PLEKHA7: variants seen among roughly 807,000 people sequenced by gnomAD.
The protein encoded by PLEKHA7 is pleckstrin homology domain-containing family A member 7.
A neutral mutation model predicts 170.0 loss-of-function variants in PLEKHA7; 104 were observed. The ratio of observed to expected loss-of-function variants is 0.61; its 90% CI spans 0.52 to 0.72. The LOEUF (loss-of-function observed/expected upper bound fraction) is 0.72, where lower values mean the gene tolerates loss of function less well. Among genes scored for constraint, PLEKHA7 ranks in the 30% least tolerant of loss-of-function variants. The pLI is 0.00. For missense variants in PLEKHA7, 1,615 were observed against 1,671.7 expected (o/e 0.97, Z 0.59); for synonymous variants, 648 against 660.8 (o/e 0.98, Z 0.30).
Position 17,000,650 on chromosome 11 carries a change from T to C in PLEKHA7, c.221+13339A>G, listed in dbSNP as rs199923540. 1.2e-4 allele frequency among the ~76,000 whole-genome samples: 18 copies of C among 152,316 alleles called. No individual in the cohort carries two copies. The East Asian group carries it at 2.7e-3, about 23-fold the overall frequency. On this transcript the variant is annotated intron_variant, in intron 3 of 26. Transcript: ENST00000531066. ...GAAGGGGCTTCCTTCATAGGAGTAG[T>C]AGTGATAATGGCTAATTCCTATATA...
intron 5 of PLEKHA7, among the ~76,000 whole-genome samples, chr11:16,855,202 C>T (rs941676766): frequency 6.6e-6 from 1 of 152,216 alleles, no homozygotes; most frequent in Non-Finnish European, 1.5e-5. Context: ...GCAAACCTCC[C>T]AGCTGGGTCA....
At chr11:16,862,713 C>A (rs146184237) in intron 4 of PLEKHA7, among the ~76,000 whole-genome samples, 63 of 152,282 alleles carry the variant, frequency 4.1e-4, no homozygotes, top group African/African-American at 1.4e-3. Flanking sequence ...ATACCAAAGG[C>A]CCAGCCAACA....
chr11:16,826,688 T>G, intron 9 of PLEKHA7, 98 bp from the exon 10 acceptor site: 1 of 1,086,326 alleles, frequency 9.2e-7, no homozygotes, highest in Non-Finnish European at 1.3e-6. Context: ...GCACAGGCTA[T>G]TCCCTCTGCT....
intron 17 of PLEKHA7, among the ~76,000 whole-genome samples, chr11:16,798,396 G>A (rs1375595868): frequency 6.6e-6 from 1 of 152,086 alleles, no homozygotes; most frequent in Non-Finnish European, 1.5e-5. Context: ...AGTAAGTCAT[G>A]GGGCTGAGTT....
intron 3 of PLEKHA7, among the ~76,000 whole-genome samples, chr11:16,918,846 CTAGTTA>C (rs1422751441): frequency 4.6e-5 from 7 of 152,010 alleles, no homozygotes; most frequent in Non-Finnish European, 2.9e-5. Flanking sequence ...CTTTGATGTT[CTAGTTA>C]TATTTTTCTT....
chr11:16,855,191 G>A (rs2135460944), intron 5 of PLEKHA7, among the ~76,000 whole-genome samples, 198 bp from the exon 6 acceptor site: 1 of 152,142 alleles, frequency 6.6e-6, no homozygotes, highest in African/African-American at 2.4e-5. Context: ...CCCAAGACCT[G>A]GCAAACCTCC....
At chr11:17,014,070 G>A (rs375321429) in intron 2 of PLEKHA7, 24 bp from the exon 3 acceptor site, 7 of 1,577,728 alleles carry the variant, frequency 4.4e-6, no homozygotes, top group African/African-American at 1.3e-5. Flanking sequence ...AGAAAAGTCG[G>A]GTCAAACTTG....
intron 13 of PLEKHA7, chr11:16,812,330 TAC>T (rs1849425738): frequency 6.6e-6 from 1 of 152,218 alleles, no homozygotes; most frequent in Non-Finnish European, 1.5e-5. Context: ...CCAAGCCAGG[TAC>T]ACTGGAGACT....
chr11:16,785,854 C>G (rs1849359552), intron 24 of PLEKHA7, among the ~76,000 whole-genome samples: 1 of 152,210 alleles, frequency 6.6e-6, no homozygotes, highest in Non-Finnish European at 1.5e-5. Flanking sequence ...AAGCCAACCC[C>G]TGGTGTTGCA....
intron 3 of PLEKHA7, among the ~76,000 whole-genome samples, chr11:16,936,985 CCT>C (rs1860350056): frequency 6.6e-6 from 1 of 152,236 alleles, no homozygotes. Context: ...TTTCCCTCCC[CCT>C]GAGCCTCAGT....
intron 13 of PLEKHA7, among the ~76,000 whole-genome samples, chr11:16,809,352 C>T (rs997596663): frequency 1.3e-5 from 2 of 152,108 alleles, no homozygotes; most frequent in South Asian, 2.1e-4. Context: ...CTTGGCCTCT[C>T]GAACAGGGAC....
chr11:16,829,864 C>T (rs182809267), intron 9 of PLEKHA7, among the ~76,000 whole-genome samples: 88 of 128,876 alleles, frequency 6.8e-4, no homozygotes, highest in African/African-American at 3.3e-3. Flanking sequence ...TTTCTTTTTT[C>T]TTTTTTTCAC....
At chr11:16,861,870 T>G (rs947785595) in intron 4 of PLEKHA7, among the ~76,000 whole-genome samples, 5 of 152,080 alleles carry the variant, frequency 3.3e-5, no homozygotes, top group African/African-American at 9.7e-5. Context: ...AGAGGACACA[T>G]TCACAAACAC....
At chr11:16,800,917 C>T in intron 17 of PLEKHA7, 57 bp downstream of exon 17, 1 of 1,483,846 alleles carries the variant, frequency 6.7e-7, no homozygotes, top group South Asian at 1.2e-5. Context: ...CTTGGAAAAA[C>T]AAAAAACAAA....
chr11:16,936,401 CAAAAAA>C lies in PLEKHA7; in HGVS notation c.222-65225_222-65220del, dbSNP rs57104068. ...TGGGAAATAGCGTGAGACTCTGTCT[CAAAAAA>C]AAAAAAAAAAAAAAAAAAATCAGGT... On this transcript the variant is annotated intron_variant, in intron 3 of 26. Transcript: ENST00000531066. Among the ~76,000 whole-genome samples the C allele has an allele frequency of 6.2e-4, 42 of 68,148 alleles. 1 individual carries two copies. The highest frequency in any genetic ancestry group is 5.9e-3 in the Admixed American group (36 of 6,098). The allele number at this position is 68,148 out of a possible 152,430, so 44.7% of individuals were successfully genotyped here.
intron 8 of PLEKHA7, among the ~76,000 whole-genome samples, chr11:16,850,232 T>G (rs1852813570): frequency 6.6e-6 from 1 of 152,202 alleles, no homozygotes; most frequent in Non-Finnish European, 1.5e-5. Flanking sequence ...CTAGTGTTCA[T>G]CTTGTGCCTC....
chr11:16,901,362 T>G (rs1335207037), intron 3 of PLEKHA7, among the ~76,000 whole-genome samples: 1 of 152,228 alleles, frequency 6.6e-6, no homozygotes, highest in Non-Finnish European at 1.5e-5. Flanking sequence ...TTAAATCCAT[T>G]TTTTCACTTT....
chr11:16,926,901 A>G (rs1030417491), intron 3 of PLEKHA7, among the ~76,000 whole-genome samples: 3 of 152,156 alleles, frequency 2.0e-5, no homozygotes, highest in African/African-American at 4.8e-5. Context: ...TCTGCAAAAG[A>G]GCGCTGTACA....
chr11:16,876,461 T>C (rs1193818355), intron 3 of PLEKHA7, among the ~76,000 whole-genome samples: 1 of 152,232 alleles, frequency 6.6e-6, no homozygotes, highest in Non-Finnish European at 1.5e-5. Context: ...TGAAGTTGAA[T>C]GGCAGCCAGT....
Sources: gnomAD v4.1 joint callset for allele counts (sites outside exome capture counted in the v4.1 genomes callset) on GRCh38, gnomAD v4.1.1 for gene constraint, MANE v1.5 for transcripts, NCBI Gene and HGNC (gene_info 2026-07-23, HGNC 2026-07-21) for gene names.